PBX3: variants seen among roughly 807,000 people sequenced by gnomAD.
The protein encoded by PBX3 is PBX homeobox 3, also known as pre-B-cell leukemia transcription factor 3.
PBX3 carries 14 observed loss-of-function variants against 48.5 expected under a neutral mutation model. The observed-to-expected ratio is 0.29, with a 90% CI of 0.19 to 0.45. The LOEUF (loss-of-function observed/expected upper bound fraction) is 0.45, where lower values mean the gene tolerates loss of function less well. PBX3 is among the 20% of genes least tolerant of loss of function. The pLI is 1.00. For missense variants in PBX3, 386 were observed against 546.7 expected, an observed-to-expected ratio of 0.71 and a Z score of 2.93; for synonymous variants, 210 against 200.3, an observed-to-expected ratio of 1.05 and a Z score of -0.41.
At chr9:125,936,257 G>A (rs1425027813) in intron 5 of PBX3, among the ~76,000 whole-genome samples, 1 of 152,184 alleles carries the variant, frequency 6.6e-6, no homozygotes, top group Non-Finnish European at 1.5e-5. Flanking sequence ...TATTTGGACT[G>A]AGGATTGGAA....
chr9:125,965,748 C>A, intron 8 of PBX3, 83 bp from the exon 9 acceptor site: 1 of 1,019,660 alleles, frequency 9.8e-7, no homozygotes, highest in Non-Finnish European at 1.6e-6. Context: ...TCTCTGCTCT[C>A]ATGTTGTCAT....
At chr9:125,761,278 A>T (rs1460173732) in intron 2 of PBX3, among the ~76,000 whole-genome samples, 2 of 151,598 alleles carry the variant, frequency 1.3e-5, no homozygotes, top group African/African-American at 4.9e-5. Context: ...GCCAATGGTG[A>T]TATTTAATAT....
At chr9:125,797,800 C>T (rs12238537) in intron 2 of PBX3, among the ~76,000 whole-genome samples, 3,060 of 152,120 alleles carry the variant, frequency 0.02, 171 homozygotes, top group East Asian at 0.17. Flanking sequence ...TATCTGGGGT[C>T]AGGAAATCTT....
chr9:125,759,426 A>G lies in PBX3; in HGVS notation c.274+10803A>G, dbSNP rs577021974. On this transcript the variant is annotated intron_variant, in intron 2 of 8. Transcript: ENST00000373489. The surrounding 1 kb of genome is among the most constrained non-coding windows in gnomAD (Gnocchi z 4.2). ...ACTGGCACTGCCAAATGTACTTCCT[A>G]TTTGTTGTGCAAGGGAATTGGAACA... 6.6e-6 allele frequency among the ~76,000 whole-genome samples: 1 copy of G among 152,242 alleles called. No homozygotes were observed. The highest frequency in any genetic ancestry group is 2.4e-5 in the African/African-American group (1 of 41,534).
chr9:125,756,956 A>G (rs1836534280), intron 2 of PBX3, among the ~76,000 whole-genome samples: 1 of 152,210 alleles, frequency 6.6e-6, no homozygotes, highest in African/African-American at 2.4e-5. Flanking sequence ...CATTTAAAAC[A>G]TATGAAGTTA....
chr9:125,864,138 G>A (rs908787811), intron 2 of PBX3, among the ~76,000 whole-genome samples: 2 of 152,184 alleles, frequency 1.3e-5, no homozygotes, highest in African/African-American at 2.4e-5. Context: ...TTAAAATGAT[G>A]ATATACTTTG....
intron 4 of PBX3, among the ~76,000 whole-genome samples, chr9:125,931,771 G>A (rs1192432225): frequency 6.6e-6 from 1 of 152,248 alleles, no homozygotes; most frequent in Non-Finnish European, 1.5e-5. Flanking sequence ...ATTTAATAAT[G>A]TAATTAAATG....
At chr9:125,852,836 A>G (rs981409373) in intron 2 of PBX3, among the ~76,000 whole-genome samples, 2 of 152,124 alleles carry the variant, frequency 1.3e-5, no homozygotes, top group African/African-American at 4.8e-5. Context: ...TGACTGCATG[A>G]TTGGATTGCA....
At chr9:125,949,415 G>A in intron 5 of PBX3, 1 of 1,550,798 alleles carries the variant, frequency 6.4e-7, no homozygotes, top group Non-Finnish European at 8.7e-7. Context: ...GGGAGCAAAG[G>A]TTCTGACATC....
chr9:125,768,398 T>C (rs1353767991), intron 2 of PBX3, among the ~76,000 whole-genome samples: 1 of 152,226 alleles, frequency 6.6e-6, no homozygotes, highest in African/African-American at 2.4e-5. Context: ...GTTTTGTTTA[T>C]GCGGGTTTAA....
intron 2 of PBX3, among the ~76,000 whole-genome samples, chr9:125,841,461 C>T (rs1459224692): frequency 6.6e-6 from 1 of 152,072 alleles, no homozygotes; most frequent in Admixed American, 6.6e-5. Context: ...GTGGTAGGCA[C>T]CAGAGAAATG....
At chr9:125,808,563 G>A (rs1226830352) in intron 2 of PBX3, among the ~76,000 whole-genome samples, 1 of 152,152 alleles carries the variant, frequency 6.6e-6, no homozygotes, top group South Asian at 2.1e-4. Flanking sequence ...CGAGGCAATA[G>A]GCTGAGATGG....
At chr9:125,920,445 C>T (rs929875743) in intron 3 of PBX3, among the ~76,000 whole-genome samples, 2 of 152,156 alleles carry the variant, frequency 1.3e-5, no homozygotes, top group Admixed American at 6.5e-5. Context: ...CCTCCACCAC[C>T]CTACCAAAAG....
intron 2 of PBX3, among the ~76,000 whole-genome samples, chr9:125,834,466 C>T (rs1318370006): frequency 1.3e-5 from 2 of 151,754 alleles, no homozygotes; most frequent in Non-Finnish European, 2.9e-5. Flanking sequence ...GGCTTGATCT[C>T]GGCTCACTGC....
chr9:125,936,281 C>T (rs879882461), intron 5 of PBX3, among the ~76,000 whole-genome samples: 1 of 152,140 alleles, frequency 6.6e-6, no homozygotes, highest in African/African-American at 2.4e-5. Context: ...AATAAATTAA[C>T]AAACAAGTGT....
intron 2 of PBX3, among the ~76,000 whole-genome samples, chr9:125,835,015 CAAAAAAAAAAAAAAAAAAAAAAAA>C (rs745638368): frequency 4.0e-5 from 1 of 25,170 alleles, no homozygotes; most frequent in Non-Finnish European, 7.1e-5. Flanking sequence ...AACTCTGTCT[CAAAAAAAAAAAAAAAAAAAAAAAA>C]AAAAAAAAAA....
Position 125,937,071 on chromosome 9 carries a change from ATGTT to A in PBX3, c.843+1468_843+1471del, listed in dbSNP as rs199673256. On this transcript the variant is annotated intron_variant, in intron 5 of 8. Transcript: ENST00000373489. Reference sequence around the variant, plus strand: ...AACCACTCTCTGACTTAGAATTTGAATGTTTGTGGATGAGTTTAAGCATTTTCTT... The same window carrying A: ...AACCACTCTCTGACTTAGAATTTGAATGTGGATGAGTTTAAGCATTTTCTT... 7.0e-3 allele frequency among the ~76,000 whole-genome samples: 1,061 copies of A among 152,306 alleles called. 20 individuals are homozygous for A. Among genetic ancestry groups the A allele is most frequent in the Admixed American group, 0.039 (592 of 15,304 alleles).
chr9:125,867,817 T>C (rs1252785813), intron 2 of PBX3, among the ~76,000 whole-genome samples: 5 of 151,650 alleles, frequency 3.3e-5, no homozygotes, highest in Non-Finnish European at 1.5e-5. Flanking sequence ...CATATATATA[T>C]ACACATACAT....
intron 2 of PBX3, among the ~76,000 whole-genome samples, chr9:125,773,989 A>G (rs924082901): frequency 3.3e-5 from 5 of 152,102 alleles, no homozygotes; most frequent in Non-Finnish European, 5.9e-5. Context: ...GAAACCCCAT[A>G]CCTATTAGTC....
Sources: gnomAD v4.1 joint callset for allele counts (sites outside exome capture counted in the v4.1 genomes callset) on GRCh38, gnomAD v4.1.1 for gene constraint, Gnocchi (gnomAD v3.1) non-coding constraint, MANE v1.5 for transcripts, NCBI Gene and HGNC (gene_info 2026-07-23, HGNC 2026-07-21) for gene names.